Variants in IDUA observed in about 807,000 individuals in gnomAD.
IDUA encodes alpha-L-iduronidase.
Under a neutral mutation model 68.9 loss-of-function variants are expected in IDUA, and 65 were observed. The observed-to-expected ratio is 0.94, with a 90% CI of 0.77 to 1.16. The LOEUF is 1.16. IDUA is among the 50% of genes most tolerant of loss of function. The pLI, the probability that IDUA is intolerant of heterozygous loss-of-function variation, is 0.00. For missense variants in IDUA, 1,046 were observed against 938.0 expected (o/e 1.12, Z -1.50); for synonymous variants, 529 against 433.6 (o/e 1.22, Z -2.73).
intron 2 of IDUA, chr4:992,946 G>A (rs1230764855): frequency 6.6e-6 from 1 of 152,278 alleles, no homozygotes; most frequent in Non-Finnish European, 1.5e-5. Context: ...CTGGCCCAGG[G>A]TGTGCGAGCT....
Position 1,003,148 on chromosome 4 carries a change from C to T in IDUA, c.1515C>T (p.Arg505=). Residue 505 remains arginine (R), a synonymous_variant, in exon 10 of 14, where the codon CGC becomes CGT. Coordinates refer to ENST00000514224, the MANE Select transcript of IDUA (RefSeq NM_000203.5). ...CGGCAGAGCAGTTCCGGCGCATGCG[C>T]GCGGCTGAGGTAGGTGGGCCGCGGA... ...FPTAEQFRRM[R]AAEDPVAAAP... The T allele has an allele frequency of 7.3e-7, 1 of 1,361,156 alleles. No homozygotes were observed. Among genetic ancestry groups the T allele is most frequent in the Non-Finnish European group, 9.5e-7 (1 of 1,052,614 alleles). 84.3% of individuals were successfully genotyped at this position (1,361,156 alleles called of 1,614,324 possible). A position where few individuals can be genotyped will look rare whatever the true frequency, so the allele number is the denominator to read the frequency against.
chr4:999,542 C>G (rs1714950674), intron 2 of IDUA, among the ~76,000 whole-genome samples: 1 of 152,270 alleles, frequency 6.6e-6, no homozygotes, highest in South Asian at 2.1e-4. Context: ...AGGCTCCTCA[C>G]TCCCTGTCGT....
Position 1,002,698 on chromosome 4 carries a change from C to G in IDUA, c.1190-34C>G, listed in dbSNP as rs1715171151. ...GGGTCGGGGGGCGGCTGGGCAACGACCCCACGCGGCGACGGCCCCCCCCCG... is the reference window on the plus strand; with the variant it reads ...GGGTCGGGGGGCGGCTGGGCAACGAGCCCACGCGGCGACGGCCCCCCCCCG... On this transcript the variant is annotated intron_variant, in intron 8 of 13. Transcript: ENST00000514224. 4 of 1,406,884 alleles carry G rather than the reference C, an allele frequency of 2.8e-6. No individual in the cohort carries two copies. The South Asian group carries it at 5.2e-5, about 18-fold the overall frequency. The allele number at this position is 1,406,884 out of a possible 1,614,324, so 87.2% of individuals were successfully genotyped here.
In IDUA at chr4:1,001,632, C is replaced by G; in HGVS notation, c.590-47C>G. ...GAGGAAGGCAGGAGCAGAGGCTAAG[C>G]CGCTCATCCCCAGGGCAGGTGTAGA... On this transcript the variant is annotated intron_variant, in intron 5 of 13. Coordinates refer to ENST00000514224, the MANE Select transcript of IDUA (RefSeq NM_000203.5). 4.4e-6 allele frequency: 7 copies of G among 1,607,094 alleles called. No individual in the cohort carries two copies. The South Asian group carries it at 7.7e-5, about 18-fold the overall frequency.
At position 987,046 on chromosome 4, in the gene IDUA, T is replaced by G. The variant is rs778289738; in HGVS notation, c.-39T>G. On this transcript the variant is annotated 5_prime_UTR_variant, in exon 1 of 14. Transcript: ENST00000514224. ...TCCGACCCGGAGGCGGAACCGGCAG[T>G]GCAGCCCGAAGCCCCGCAGTCCCCG... 5.7e-5 allele frequency: 86 copies of G among 1,512,854 alleles called. No homozygotes were observed. The highest frequency in any genetic ancestry group is 2.9e-4 in the East Asian group (11 of 38,194). The allele number at this position is 1,512,854 out of a possible 1,614,324, so 93.7% of individuals were successfully genotyped here. A position where few individuals can be genotyped will look rare whatever the true frequency, so the allele number is the denominator to read the frequency against.
At chr4:988,859 G>C (rs1258642001) in intron 2 of IDUA, 1 of 1,606,296 alleles carries the variant, frequency 6.2e-7, no homozygotes, top group Non-Finnish European at 8.5e-7. Context: ...GTGGCCTCCA[G>C]CTCCCTGTGG....
rs1477707256 is a variant in IDUA, at chr4:1,001,890, T to C, written c.792+9T>C. 5.1e-6 allele frequency: 8 copies of C among 1,574,270 alleles called. No individual in the cohort carries two copies. Among genetic ancestry groups the C allele is most frequent in the Non-Finnish European group, 6.9e-6 (8 of 1,161,558 alleles). On this transcript the variant is annotated intron_variant, in intron 6 of 13. Coordinates refer to ENST00000514224, the MANE Select transcript of IDUA (RefSeq NM_000203.5). Reference sequence around the variant, plus strand: ...TCTCCCTCCACAGGAAGGTGCGCCCTGCCCCTCCGTCCGCCCCGGTGTTCT... The same window carrying C: ...TCTCCCTCCACAGGAAGGTGCGCCCCGCCCCTCCGTCCGCCCCGGTGTTCT...
At chr4:994,419 G>A (rs1337478474) in intron 2 of IDUA, among the ~76,000 whole-genome samples, 1 of 151,712 alleles carries the variant, frequency 6.6e-6, no homozygotes, top group Admixed American at 6.6e-5. Context: ...GGGACTACAG[G>A]CGCCCGCCAC....
chr4:995,352 T>C (rs1437787482), intron 2 of IDUA, among the ~76,000 whole-genome samples: 2 of 146,890 alleles, frequency 1.4e-5, no homozygotes, highest in African/African-American at 5.1e-5. Flanking sequence ...CAGTTCTGTC[T>C]CAAAAAAAAA....
Position 1,003,404 on chromosome 4 carries a change from C to G in IDUA, c.1584C>G (p.Pro528=), listed in dbSNP as rs1553917553. Reference sequence around the variant, plus strand: ...CCGGCGGCCGCCTGACCCTGCGCCCCGCGCTGCGGCTGCCGTCGCTTTTGC... The same window carrying G: ...CCGGCGGCCGCCTGACCCTGCGCCCGGCGCTGCGGCTGCCGTCGCTTTTGC... The part of the protein sequence containing the change: ...LPAGGRLTLR[P]ALRLPSLLLV... Residue 528 remains proline, a synonymous_variant, in exon 11 of 14, where the codon CCC becomes CCG. Transcript: ENST00000514224. 2 of 1,525,130 alleles carry G rather than the reference C, an allele frequency of 1.3e-6. No individual in the cohort carries two copies. The highest frequency in any genetic ancestry group is 1.4e-5 in the African/African-American group (1 of 71,680). The allele number at this position is 1,525,130 out of a possible 1,614,324, so 94.5% of individuals were successfully genotyped here.
In IDUA at chr4:1,002,401, T is replaced by A; in HGVS notation, c.1105T>A (p.Phe369Ile). ...PFAQRTLTAR[F>I]QVNNTRPPHV... ...CGCGCAGCGCACGCTCACCGCGCGC[T>A]TCCAGGTCAACAACACCCGCCCGCC... Residue 369 changes from phenylalanine (F) to isoleucine (I), a missense_variant, in exon 8 of 14, where the codon TTC becomes ATC. Physicochemically the swap from Phe to Ile is conservative, Grantham distance 21 (BLOSUM62 0). Transcript: ENST00000514224. The A allele has an allele frequency of 6.3e-7, 1 of 1,599,334 alleles. No individual in the cohort carries two copies. Among genetic ancestry groups the A allele is most frequent in the East Asian group, 2.3e-5 (1 of 43,884 alleles).
chr4:993,891 G>T (rs1714562305), intron 2 of IDUA, among the ~76,000 whole-genome samples: 1 of 152,222 alleles, frequency 6.6e-6, no homozygotes, highest in South Asian at 2.1e-4. Flanking sequence ...GCTCGCGTAA[G>T]CCCTGTGTGT....
chr4:1,002,755 G>A lies in IDUA; in HGVS notation c.1213G>A (p.Val405Met). The change falls in exon 9 of 14, where the codon GTG (valine) becomes ATG (methionine). Residue 405 changes from valine to methionine, a missense_variant. By Grantham distance (21) the Val-to-Met change is conservative. Transcript: ENST00000514224. ...AGATGAGGAGCAGCTCTGGGCCGAA[G>A]TGTCGCAGGCCGGGACCGTCCTGGA... ...LLDEEQLWAE[V>M]SQAGTVLDSN... The A allele has an allele frequency of 6.7e-7, 1 of 1,485,614 alleles. No homozygotes were observed. Among genetic ancestry groups the A allele is most frequent in the Admixed American group, 2.2e-5 (1 of 45,388 alleles). 92.0% of individuals were successfully genotyped at this position (1,485,614 alleles called of 1,614,324 possible). A position where few individuals can be genotyped will look rare whatever the true frequency, so the allele number is the denominator to read the frequency against.
chr4:1,002,599 C>G, intron 8 of IDUA, 114 bp downstream of exon 8: 1 of 1,199,690 alleles, frequency 8.3e-7, no homozygotes, highest in Non-Finnish European at 1.1e-6. Context: ...TTCCCGGGGT[C>G]GGCCTCCGCG....
At chr4:993,864 C>T (rs1289886356) in intron 2 of IDUA, among the ~76,000 whole-genome samples, 2 of 152,208 alleles carry the variant, frequency 1.3e-5, no homozygotes, top group Admixed American at 6.5e-5. Context: ...GCTGCCGGTG[C>T]GTGCATATGC....
In IDUA at chr4:1,004,553, T is replaced by G; in HGVS notation, c.*160T>G. 1 of 726,598 alleles carries G rather than the reference T, an allele frequency of 1.4e-6. No homozygotes were observed. The allele number at this position is 726,598 out of a possible 1,614,324, so 45.0% of individuals were successfully genotyped here. A position where few individuals can be genotyped will look rare whatever the true frequency, so the allele number is the denominator to read the frequency against. ...TACCAACGCCCCCTTTAAAGCGGCT[T>G]TGCACAGGTCAGTCTCGGGTTGAGG... On this transcript the variant is annotated 3_prime_UTR_variant, in exon 14 of 14. Coordinates refer to ENST00000514224, the MANE Select transcript of IDUA (RefSeq NM_000203.5). This position sits in a 1 kb window ranked among gnomAD's most constrained non-coding sequence, Gnocchi z 5.0.
chr4:987,040 C>A (rs1713769120), upstream of IDUA: 1 of 1,518,260 alleles, frequency 6.6e-7, no homozygotes, highest in Non-Finnish European at 8.8e-7. Context: ...GAGGCGGAAC[C>A]GGCAGTGCAG....
intron 2 of IDUA, chr4:993,529 G>C (rs1256794580): frequency 1.3e-5 from 2 of 152,294 alleles, no homozygotes; most frequent in Non-Finnish European, 2.9e-5. Context: ...TGATCCGGGA[G>C]TTGAACTGTA....
At chr4:990,915 C>T (rs1381389968) in intron 2 of IDUA, 3 of 550,500 alleles carry the variant, frequency 5.4e-6, no homozygotes, top group Non-Finnish European at 6.3e-6. Flanking sequence ...ACTGGCTCCC[C>T]GTGCCCCTCC....
Sources: allele counts gnomAD v4.1 joint callset (sites outside exome capture counted in the v4.1 genomes callset), GRCh38; gene constraint gnomAD v4.1.1; non-coding constraint Gnocchi (gnomAD v3.1); transcripts MANE v1.5; gene names NCBI Gene and HGNC (gene_info 2026-07-23, HGNC 2026-07-21).